Variants in CCDC39 observed in about 807,000 individuals in gnomAD.
CCDC39 encodes coiled-coil domain-containing protein 39.
A neutral mutation model predicts 121.0 loss-of-function variants in CCDC39; 113 were observed. The observed-to-expected ratio is 0.93, with a 90% confidence interval of 0.80 to 1.09. CCDC39 has a LOEUF of 1.09. Among genes scored for constraint, CCDC39 ranks in the 50% least tolerant of loss-of-function variants. The probability of loss-of-function intolerance (pLI) is 0.00; values close to 1 mark genes in which losing one functional copy is unlikely to be tolerated. For synonymous variants in CCDC39, 349 were observed against 352.2 expected (o/e 0.99, Z 0.10); for missense variants, 1,063 against 1,074.7 (o/e 0.99, Z 0.15).
At chr3:180,656,728 C>A (rs374949817) in intron 6 of CCDC39, among the ~76,000 whole-genome samples, 6 of 95,038 alleles carry the variant, frequency 6.3e-5, no homozygotes, top group East Asian at 5.4e-4. Context: ...CCAGCTAAAA[C>A]CCCCCCTGAC....
intron 8 of CCDC39, 34 bp from the exon 9 acceptor site, chr3:180,651,567 G>C (rs372873947): frequency 1.8e-5 from 27 of 1,489,298 alleles, no homozygotes; most frequent in South Asian, 9.5e-5. Context: ...GATAGAAAAC[G>C]TGCCTAAAAA....
In CCDC39 at chr3:180,623,413, T is replaced by G. The variant is rs536017337; in HGVS notation, c.1999-3443A>C. 2.1e-4 allele frequency among the ~76,000 whole-genome samples: 32 copies of G among 152,182 alleles called. No homozygotes were observed. The South Asian group carries it at 6.6e-3, about 32-fold the overall frequency. On this transcript the variant is annotated intron_variant, in intron 14 of 19. Transcript: ENST00000476379. The stretch of plus-strand genomic sequence containing the variant: ...TTGAGGAACAAAGTTTTAATTTCCT[T>G]GATCATTTGTAAATTTTTTTGTCTC...
At chr3:180,667,641 C>A (rs1054643537) in intron 1 of CCDC39, among the ~76,000 whole-genome samples, 1 of 151,982 alleles carries the variant, frequency 6.6e-6, no homozygotes, top group Non-Finnish European at 1.5e-5. Context: ...ACTGATCAGG[C>A]CTCCCTCATC....
rs759933252 is a variant in CCDC39 at position 180,642,022 on chromosome 3, T to C, written c.1845A>G (p.Arg615=). 1.2e-6 allele frequency: 2 copies of C among 1,601,610 alleles called. No homozygotes were observed. The highest frequency in any genetic ancestry group is 1.7e-5 in the Admixed American group (1 of 58,898). ...TGTTTTCCCGTTCTTGATCAACATATCTTATTTGTGACGCAAGCATTGTTT... is the reference window on the plus strand; with the variant it reads ...TGTTTTCCCGTTCTTGATCAACATACCTTATTTGTGACGCAAGCATTGTTT... The part of the protein sequence containing the change: ...VHKTMLASQI[R]YVDQERENIS... Residue 615 remains arginine, a synonymous_variant, in exon 13 of 20, where the codon AGA becomes AGG. Coordinates refer to ENST00000476379, the MANE Select transcript of CCDC39 (RefSeq NM_181426.2).
chr3:180,662,723 A>G (rs1711772686), intron 2 of CCDC39, among the ~76,000 whole-genome samples: 1 of 152,192 alleles, frequency 6.6e-6, no homozygotes, highest in Non-Finnish European at 1.5e-5. Context: ...ATAGTTTATC[A>G]ATTACTCAAT....
At chr3:180,653,625 T>C (rs1039668929) in intron 7 of CCDC39, among the ~76,000 whole-genome samples, 1 of 152,152 alleles carries the variant, frequency 6.6e-6, no homozygotes, top group Non-Finnish European at 1.5e-5. Context: ...AGATCCCAAA[T>C]AGCTCAAGTA....
At position 180,632,725 on chromosome 3, in the gene CCDC39, G is replaced by A. The variant is rs375987913; in HGVS notation, c.1875-1133C>T. 1.1e-3 allele frequency among the ~76,000 whole-genome samples: 163 copies of A among 151,978 alleles called. 1 individual carries two copies. The highest frequency in any genetic ancestry group is 3.7e-3 in the African/African-American group (153 of 41,454). On this transcript the variant is annotated intron_variant, in intron 13 of 19. Transcript: ENST00000476379. The stretch of plus-strand genomic sequence containing the variant: ...GGAAAACAGATGGGGTAAGATTAAC[G>A]GAAAAAAAATAGACACACACGGAAG...
intron 9 of CCDC39, among the ~76,000 whole-genome samples, chr3:180,649,846 GT>G (rs1169628830): frequency 1.3e-5 from 2 of 152,174 alleles, no homozygotes; most frequent in Non-Finnish European, 2.9e-5. Context: ...GTGTTTACAG[GT>G]TTCTGATAAG....
At chr3:180,674,045 T>C (rs1190375407) in intron 1 of CCDC39, among the ~76,000 whole-genome samples, 4 of 152,240 alleles carry the variant, frequency 2.6e-5, no homozygotes, top group South Asian at 2.1e-4. Flanking sequence ...GGGGATGGCA[T>C]TGAATCTGTA....
intron 14 of CCDC39, among the ~76,000 whole-genome samples, chr3:180,624,249 T>C (rs1253747385): frequency 1.3e-5 from 2 of 152,198 alleles, no homozygotes; most frequent in African/African-American, 4.8e-5. Flanking sequence ...TCCTACTTGC[T>C]TTTGGTTTCC....
intron 13 of CCDC39, among the ~76,000 whole-genome samples, chr3:180,638,063 C>A (rs1717872950): frequency 6.6e-6 from 1 of 152,050 alleles, no homozygotes; most frequent in East Asian, 1.9e-4. Flanking sequence ...TGCACATGTA[C>A]CCCTGAACCA....
At chr3:180,678,465 A>C (rs1386151823) in intron 1 of CCDC39, among the ~76,000 whole-genome samples, 1 of 151,742 alleles carries the variant, frequency 6.6e-6, no homozygotes, top group Non-Finnish European at 1.5e-5. Flanking sequence ...TCACCACCAA[A>C]GTTTTTCAAA....
At chr3:180,667,067 AG>A (rs1020331567) in intron 1 of CCDC39, among the ~76,000 whole-genome samples, 2 of 152,218 alleles carry the variant, frequency 1.3e-5, no homozygotes, top group African/African-American at 4.8e-5. Context: ...TAAACTACAA[AG>A]AAACAGAAAT....
At chr3:180,649,287 C>G (rs1718144275) in intron 9 of CCDC39, among the ~76,000 whole-genome samples, 1 of 152,146 alleles carries the variant, frequency 6.6e-6, no homozygotes, top group Admixed American at 6.5e-5. Flanking sequence ...GCAAACCTGT[C>G]TTGACCCGGA....
Position 180,642,015 on chromosome 3 carries a change from C to A in CCDC39, c.1852G>T (p.Asp618Tyr). The change falls in exon 13 of 20, where the codon GAT (aspartate) becomes TAT (tyrosine). Residue 618 changes from aspartate (D) to tyrosine (Y), a missense_variant. By Grantham distance (160) the Asp-to-Tyr change is radical. Coordinates refer to ENST00000476379, the MANE Select transcript of CCDC39 (RefSeq NM_181426.2). ...TACCTTATGTTTTCCCGTTCTTGAT[C>A]AACATATCTTATTTGTGACGCAAGC... ...TMLASQIRYV[D>Y]QERENISTEF... 2 of 1,587,880 alleles carry A rather than the reference C, an allele frequency of 1.3e-6. No individual in the cohort carries two copies. Among genetic ancestry groups the A allele is most frequent in the South Asian group, 2.3e-5 (2 of 85,614 alleles).
Position 180,654,891 on chromosome 3 carries a change from C to T in CCDC39, c.801G>A (p.Lys267=). 6.3e-7 allele frequency: 1 copy of T among 1,593,080 alleles called. No individual in the cohort carries two copies. The highest frequency in any genetic ancestry group is 8.5e-7 in the Non-Finnish European group (1 of 1,172,376). ...EKENLVKEKI[K]FLESEIGNNT... ...TATTCCCAATCTCACTTTCCAAAAA[C>T]TTGATCTTTTCTTTAACCAAATTTT... The change falls in exon 7 of 20, where the codon AAG becomes AAA. Residue 267 remains lysine, a synonymous_variant. Transcript: ENST00000476379.
chr3:180,626,968 C>A (rs1459019886), intron 14 of CCDC39, among the ~76,000 whole-genome samples: 1 of 152,154 alleles, frequency 6.6e-6, no homozygotes, highest in African/African-American at 2.4e-5. Context: ...AACAGACTTA[C>A]ATTGAAAAAA....
At chr3:180,654,630 A>C in intron 7 of CCDC39, 132 bp downstream of exon 7, 1 of 548,852 alleles carries the variant, frequency 1.8e-6, no homozygotes, top group Non-Finnish European at 2.9e-6. Context: ...ACATTAAAAA[A>C]AAAAAAAGAA....
Position 180,647,066 on chromosome 3 carries a change from T to G in CCDC39, c.1527+13A>C, listed in dbSNP as rs1323324852. The G allele has an allele frequency of 6.3e-7, 1 of 1,598,400 alleles. No individual in the cohort carries two copies. Among genetic ancestry groups the G allele is most frequent in the East Asian group, 2.2e-5 (1 of 44,696 alleles). On this transcript the variant is annotated intron_variant, in intron 11 of 19. Coordinates refer to ENST00000476379, the MANE Select transcript of CCDC39 (RefSeq NM_181426.2). ...GGATATTTGAAATATAAAATGTATT[T>G]TGGCTAAGTTACATGAAGCTTCTTG...
Sources: gnomAD v4.1 joint callset for allele counts (sites outside exome capture counted in the v4.1 genomes callset) on GRCh38, gnomAD v4.1.1 for gene constraint, MANE v1.5 for transcripts, NCBI Gene and HGNC (gene_info 2026-07-23, HGNC 2026-07-21) for gene names.